Variants in NOTCH3 observed in about 807,000 individuals in gnomAD.
The protein encoded by NOTCH3 is neurogenic locus notch homolog protein 3.
In NOTCH3, 86 loss-of-function variants were observed where a neutral mutation model predicts 213.3. That is an observed-to-expected ratio of 0.40 (90% CI 0.34 to 0.48). The LOEUF is 0.48. Among genes scored for constraint, NOTCH3 ranks in the 20% least tolerant of loss-of-function variants. The pLI is 0.57. For missense variants in NOTCH3, 2,783 were observed against 3,272.6 expected (o/e 0.85, Z 3.65); for synonymous variants, 1,354 against 1,355.9 (o/e 1.00, Z 0.03).
chr19:15,193,584 T>C (rs917970777), intron 2 of NOTCH3, among the ~76,000 whole-genome samples: 6 of 151,468 alleles, frequency 4.0e-5, no homozygotes, highest in Non-Finnish European at 8.8e-5. Flanking sequence ...TTGAGCAACA[T>C]AGGGAGACTT....
At chr19:15,181,199 G>A (rs759305290) in intron 17 of NOTCH3, 37 bp from the exon 18 acceptor site, 17 of 1,561,350 alleles carry the variant, frequency 1.1e-5, no homozygotes, top group Non-Finnish European at 1.4e-5. Context: ...ATCAGGCTCC[G>A]CCCCCTCACA....
In NOTCH3 at chr19:15,200,983, A is replaced by G. The variant is rs1277339763; in HGVS notation, c.-78T>C. The G allele has an allele frequency of 5.3e-6, 1 of 187,134 alleles. No individual in the cohort carries two copies. The highest frequency in any genetic ancestry group is 1.0e-5 in the Non-Finnish European group (1 of 95,870). 11.6% of individuals were successfully genotyped at this position (187,134 alleles called of 1,614,324 possible). A position where few individuals can be genotyped will look rare whatever the true frequency, so the allele number is the denominator to read the frequency against. ...GTCCCGGGCCAGCCTCCGCGCCGCC[A>G]ACTTCGCCGAAGTGAGGCGGCCGGG... On this transcript the variant is annotated 5_prime_UTR_variant, in exon 1 of 33. Coordinates refer to ENST00000263388, the MANE Select transcript of NOTCH3 (RefSeq NM_000435.3).
chr19:15,197,441 G>GCGCCCCCCCCCCC, intron 2 of NOTCH3, 59 bp downstream of exon 2: 9 of 768,360 alleles, frequency 1.2e-5, no homozygotes, highest in East Asian at 2.7e-5. Flanking sequence ...AAGACAAATC[G>GCGCCCCCCCCCCC]CCCCTCCCCC....
chr19:15,190,390 G>A (rs1305868958), intron 6 of NOTCH3, among the ~76,000 whole-genome samples: 1 of 152,202 alleles, frequency 6.6e-6, no homozygotes, highest in Non-Finnish European at 1.5e-5. Flanking sequence ...CCTCTGCCAT[G>A]TATGCCCTCT....
intron 23 of NOTCH3, 162 bp from the exon 24 acceptor site, chr19:15,178,252 G>A (rs2046809179): frequency 5.4e-6 from 3 of 552,038 alleles, no homozygotes; most frequent in Admixed American, 3.4e-5. Context: ...ACCTCCCCAT[G>A]TCCCACCCAA....
At chr19:15,200,151 G>A (rs2047000601) in intron 1 of NOTCH3, among the ~76,000 whole-genome samples, 1 of 150,282 alleles carries the variant, frequency 6.7e-6, no homozygotes, top group Non-Finnish European at 1.5e-5. Context: ...TCCCCTCCCC[G>A]CGCAGGGGCG....
In NOTCH3 at chr19:15,178,063, C is replaced by T. The variant is rs2046807531; in HGVS notation, c.3865G>A (p.Val1289Met). ...TGCAGCTCCCGGCAGGAGCGCGCCA[C>T]CCGCTCGCAACGCGGACCCCAGAAC... ...QPFWGPRCERVARSCRELQCP... is the reference protein window; with the variant it reads ...QPFWGPRCERMARSCRELQCP... The change falls in exon 24 of 33, where the codon GTG becomes ATG. Residue 1289 changes from valine to methionine, a missense_variant. Val to Met is a conservative substitution (Grantham distance 21). Around this residue, in one of 6 missense-constraint regions of NOTCH3, gnomAD observed 861 missense variants for 909.1 expected, o/e 0.95. Coordinates refer to ENST00000263388, the MANE Select transcript of NOTCH3 (RefSeq NM_000435.3). 6.6e-7 allele frequency: 1 copy of T among 1,520,318 alleles called. No individual in the cohort carries two copies. The highest frequency in any genetic ancestry group is 1.4e-5 in the African/African-American group (1 of 71,418). 94.2% of individuals were successfully genotyped at this position (1,520,318 alleles called of 1,614,324 possible).
At chr19:15,179,322 A>G in intron 21 of NOTCH3, 40 bp from the exon 22 acceptor site, 1 of 1,611,052 alleles carries the variant, frequency 6.2e-7, no homozygotes. Context: ...GGGAATGAAG[A>G]CAGCCTCTCA....
At chr19:15,179,787 G>A (rs2046824068) in intron 20 of NOTCH3, 2 of 588,802 alleles carry the variant, frequency 3.4e-6, no homozygotes. Flanking sequence ...AGAGGCTGAA[G>A]CAGAAGAATC....
intron 16 of NOTCH3, 91 bp from the exon 17 acceptor site, chr19:15,181,892 G>A (rs971796230): frequency 5.3e-6 from 6 of 1,142,312 alleles, no homozygotes; most frequent in Non-Finnish European, 7.5e-6. Flanking sequence ...AAGAATTCAG[G>A]AGGAAACCAG....
At chr19:15,184,244 TA>T (rs1316575773) in intron 16 of NOTCH3, 50 bp downstream of exon 16, 1 of 1,558,054 alleles carries the variant, frequency 6.4e-7, no homozygotes, top group South Asian at 1.1e-5. Context: ...AGTTCAAGCT[TA>T]ATGACTGTGT....
intron 2 of NOTCH3, among the ~76,000 whole-genome samples, chr19:15,195,829 G>C (rs2046965520): frequency 6.6e-6 from 1 of 151,612 alleles, no homozygotes; most frequent in Non-Finnish European, 1.5e-5. Context: ...CCCACGCTCT[G>C]CGTCCCGCGC....
At chr19:15,173,875 A>G (rs974510404) in intron 25 of NOTCH3, among the ~76,000 whole-genome samples, 193 bp downstream of exon 25, 4 of 152,224 alleles carry the variant, frequency 2.6e-5, no homozygotes, top group Non-Finnish European at 4.4e-5. Flanking sequence ...ACAAGCCAGC[A>G]CTAGACCTGG....
intron 31 of NOTCH3, among the ~76,000 whole-genome samples, chr19:15,162,795 G>A (rs1367859383): frequency 2.7e-5 from 4 of 148,628 alleles, no homozygotes; most frequent in South Asian, 4.3e-4. Flanking sequence ...GTGTGTGTGC[G>A]TGCATGTGCA....
At position 15,180,814 on chromosome 19, in the gene NOTCH3, C is replaced by T; in HGVS notation, c.3009G>A (p.Trp1003Ter). ...CGTTTTGACAAGGCTGGCGGCTGCA[C>T]CAATCCACCAGCGTCTGGAGGGGAA... ...TGPQCQTLVD[W>*]CSRQPCQNGG... Residue 1003 changes from tryptophan to a stop codon, truncating the protein, a stop_gained, in exon 19 of 33, where the codon TGG becomes TGA. Coordinates refer to ENST00000263388, the MANE Select transcript of NOTCH3 (RefSeq NM_000435.3). LOFTEE classifies it high-confidence loss of function. 6.2e-7 allele frequency: 1 copy of T among 1,612,070 alleles called. No homozygotes were observed. The highest frequency in any genetic ancestry group is 8.5e-7 in the Non-Finnish European group (1 of 1,179,468).
chr19:15,165,380 C>T lies in NOTCH3; in HGVS notation c.5803G>A (p.Val1935Met). The change falls in exon 31 of 33, where the codon GTG (valine) becomes ATG (methionine). Residue 1935 changes from valine (V) to methionine (M), a missense_variant. Around this residue, in one of 6 missense-constraint regions of NOTCH3, gnomAD observed 636 missense variants for 801.8 expected, o/e 0.79. Transcript: ENST00000263388. The surrounding 1 kb of genome is among the most constrained non-coding windows in gnomAD (Gnocchi z 4.7). ...TCTGCCAACCTACCAAGCTCATCCACAGCATTGACATCAGCATGGCTGGCG... is the reference window on the plus strand; with the variant it reads ...TCTGCCAACCTACCAAGCTCATCCATAGCATTGACATCAGCATGGCTGGCG... ...LIASHADVNA[V>M]DELGKSALHW... 6.2e-7 allele frequency: 1 copy of T among 1,607,164 alleles called. No individual in the cohort carries two copies. The highest frequency in any genetic ancestry group is 8.5e-7 in the Non-Finnish European group (1 of 1,180,004).
chr19:15,164,852 C>T (rs986166825), intron 31 of NOTCH3, among the ~76,000 whole-genome samples: 6 of 151,890 alleles, frequency 4.0e-5, no homozygotes, highest in Non-Finnish European at 7.4e-5. Context: ...GGCACAATCA[C>T]GGCTCACAGA....
At chr19:15,164,905 G>C (rs10407320) in intron 31 of NOTCH3, among the ~76,000 whole-genome samples, 136,877 of 151,990 alleles carry the variant, frequency 0.9, 61,934 homozygotes, top group African/African-American at 0.97. Context: ...CTCAGTTTCT[G>C]GAGTAGCTAG....
At chr19:15,173,364 G>A (rs1400063620) in intron 25 of NOTCH3, among the ~76,000 whole-genome samples, 1 of 133,578 alleles carries the variant, frequency 7.5e-6, no homozygotes. Flanking sequence ...GGAGCTTGCA[G>A]AAAGCCGAGA....
Sources: gnomAD v4.1 joint callset for allele counts (sites outside exome capture counted in the v4.1 genomes callset) on GRCh38, gnomAD v4.1.1 for gene constraint, gnomAD v4.1.1 regional missense constraint, Gnocchi (gnomAD v3.1) non-coding constraint, MANE v1.5 for transcripts, NCBI Gene and HGNC (gene_info 2026-07-23, HGNC 2026-07-21) for gene names.